Variants in HDAC9 observed in about 807,000 individuals in gnomAD.
HDAC9 encodes the protein MEF-2 interacting transcription repressor (MITR) protein.
HDAC9 carries 41 observed loss-of-function variants against 139.4 expected under a neutral mutation model. The ratio of observed to expected loss-of-function variants is 0.29; its 90% CI spans 0.23 to 0.38. The LOEUF (loss-of-function observed/expected upper bound fraction) is 0.38, where lower values mean the gene tolerates loss of function less well. Ranked by LOEUF, HDAC9 falls within the 10% of genes least tolerant of loss-of-function variation. The pLI, the probability that HDAC9 is intolerant of heterozygous loss-of-function variation, is 1.00. For synonymous variants in HDAC9, 517 were observed against 476.2 expected (o/e 1.09, Z -1.12); for missense variants, 1,147 against 1,297.0 (o/e 0.88, Z 1.78).
At chr7:18,797,251 A>G (rs968496087) in intron 17 of HDAC9, among the ~76,000 whole-genome samples, 3 of 152,218 alleles carry the variant, frequency 2.0e-5, no homozygotes, top group African/African-American at 7.2e-5. Context: ...CCACTCTATC[A>G]GGACATTCTT....
intron 2 of HDAC9, among the ~76,000 whole-genome samples, chr7:18,254,907 A>C (rs1403063625): frequency 6.6e-6 from 1 of 152,224 alleles, no homozygotes; most frequent in African/African-American, 2.4e-5. Flanking sequence ...ATGAATAACC[A>C]AAACTGAAAA....
intron 1 of HDAC9, among the ~76,000 whole-genome samples, chr7:18,443,938 A>G (rs1792042945): frequency 7.1e-6 from 1 of 141,004 alleles, no homozygotes; most frequent in African/African-American, 2.8e-5. Context: ...ATGTATATAT[A>G]TGTATGTATG....
intron 16 of HDAC9, among the ~76,000 whole-genome samples, chr7:18,789,328 T>A (rs1792110036): frequency 6.6e-6 from 1 of 151,134 alleles, no homozygotes; most frequent in Admixed American, 6.6e-5. Context: ...TCTCTCTCTC[T>A]TTCTCCCTTT....
At chr7:18,209,731 C>CACTCT (rs1791796416) in intron 2 of HDAC9, among the ~76,000 whole-genome samples, 1 of 151,562 alleles carries the variant, frequency 6.6e-6, no homozygotes, top group South Asian at 2.1e-4. Context: ...GACAGAGTCT[C>CACTCT]ACTCTGTTGC....
chr7:18,262,833 A>C (rs1005716653), intron 2 of HDAC9, among the ~76,000 whole-genome samples: 1 of 152,184 alleles, frequency 6.6e-6, no homozygotes, highest in South Asian at 2.1e-4. Flanking sequence ...ATTAATCACC[A>C]GGGATTAAGA....
At chr7:18,108,603 C>G (rs541707556) in intron 1 of HDAC9, among the ~76,000 whole-genome samples, 1 of 145,354 alleles carries the variant, frequency 6.9e-6, no homozygotes. Context: ...GCATTTTACA[C>G]TCATCTCCTT....
In HDAC9 at chr7:18,453,291, A is replaced by G. The variant is rs150877283; in HGVS notation, c.-41-42971A>G. 3.1e-3 allele frequency among the ~76,000 whole-genome samples: 470 copies of G among 152,268 alleles called. 4 individuals are homozygous for G. Among genetic ancestry groups the G allele is most frequent in the Non-Finnish European group, 5.6e-3 (380 of 68,018 alleles). On this transcript the variant is annotated intron_variant, in intron 1 of 3. Transcript: ENST00000413509. ...TAACCTATTTCCAGGTGTAATGATG[A>G]TAAGTACACAAAGGTCAGCATTGAT...
At chr7:18,278,832 A>G (rs1041115736) in intron 2 of HDAC9, among the ~76,000 whole-genome samples, 1 of 152,130 alleles carries the variant, frequency 6.6e-6, no homozygotes, top group East Asian at 1.9e-4. Context: ...AAGTATGAAG[A>G]GGTGTTTAGT....
chr7:18,593,192 T>A (rs1583821799), intron 5 of HDAC9, among the ~76,000 whole-genome samples: 1 of 152,114 alleles, frequency 6.6e-6, no homozygotes, highest in East Asian at 1.9e-4. Flanking sequence ...GAACAATCAT[T>A]GTGATGGTGA....
intron 13 of HDAC9, among the ~76,000 whole-genome samples, chr7:18,732,105 C>A (rs572489291): frequency 6.6e-6 from 1 of 152,122 alleles, no homozygotes; most frequent in African/African-American, 2.4e-5. Context: ...GGTGATCCAC[C>A]CGCCTTGGCC....
chr7:18,636,668 C>T (rs939787886), intron 8 of HDAC9, among the ~76,000 whole-genome samples: 1 of 152,006 alleles, frequency 6.6e-6, no homozygotes, highest in Non-Finnish European at 1.5e-5. Flanking sequence ...TATCCTGTTA[C>T]CCCTCTTTAT....
chr7:18,935,238 T>C (rs1781545209), intron 22 of HDAC9, among the ~76,000 whole-genome samples: 1 of 152,278 alleles, frequency 6.6e-6, no homozygotes, highest in South Asian at 2.1e-4. Context: ...GTCATATTAT[T>C]GTATTTTATA....
chr7:18,819,041 A>C (rs760099648), intron 17 of HDAC9, among the ~76,000 whole-genome samples: 5 of 152,108 alleles, frequency 3.3e-5, no homozygotes, highest in Non-Finnish European at 7.4e-5. Flanking sequence ...GCACTTTAGG[A>C]GACTGAGGTG....
At chr7:18,405,955 C>T (rs1419704083) in intron 1 of HDAC9, among the ~76,000 whole-genome samples, 1 of 152,188 alleles carries the variant, frequency 6.6e-6, no homozygotes, top group Non-Finnish European at 1.5e-5. Context: ...GGTAACTGGC[C>T]TCCCTTCCCC....
intron 1 of HDAC9, among the ~76,000 whole-genome samples, chr7:18,106,812 C>A (rs1319938875): frequency 6.6e-6 from 1 of 152,128 alleles, no homozygotes; most frequent in Non-Finnish European, 1.5e-5. Context: ...ACATTCATCT[C>A]TTAAATTCCT....
At chr7:18,891,029 A>G (rs1385894859) in intron 22 of HDAC9, among the ~76,000 whole-genome samples, 2 of 152,168 alleles carry the variant, frequency 1.3e-5, no homozygotes, top group African/African-American at 4.8e-5. Context: ...TGTGCGCTAT[A>G]TAAAATCCAG....
intron 1 of HDAC9, among the ~76,000 whole-genome samples, chr7:18,432,554 A>G (rs1790776132): frequency 6.6e-6 from 1 of 152,212 alleles, no homozygotes; most frequent in Non-Finnish European, 1.5e-5. Flanking sequence ...AAGCATTCTC[A>G]TGCACTGATA....
chr7:18,533,235 C>T (rs978813008), intron 2 of HDAC9, among the ~76,000 whole-genome samples: 9 of 152,172 alleles, frequency 5.9e-5, no homozygotes. Context: ...TGCAGCACTT[C>T]AACTCTATTT....
At chr7:18,372,941 A>AT (rs1314243796) in intron 1 of HDAC9, among the ~76,000 whole-genome samples, 2 of 152,184 alleles carry the variant, frequency 1.3e-5, no homozygotes, top group Non-Finnish European at 2.9e-5. Context: ...ATGTTTAGTC[A>AT]TTTGTCTGAT....
Sources: allele counts gnomAD v4.1 joint callset (sites outside exome capture counted in the v4.1 genomes callset), GRCh38; gene constraint gnomAD v4.1.1; transcripts MANE v1.5; gene names NCBI Gene and HGNC (gene_info 2026-07-23, HGNC 2026-07-21).